Variants in RALGPS2 observed in about 807,000 individuals in gnomAD.
RALGPS2 encodes Ral GEF with PH domain and SH3 binding motif 2.
Under a neutral mutation model 86.8 loss-of-function variants are expected in RALGPS2, and 43 were observed. That is an observed-to-expected ratio of 0.50 (90% CI 0.39 to 0.64). The LOEUF (loss-of-function observed/expected upper bound fraction) is 0.64. RALGPS2 is among the 30% of genes least tolerant of loss of function. The pLI, the probability that RALGPS2 is intolerant of heterozygous loss-of-function variation, is 0.00. For synonymous variants in RALGPS2, 243 were observed against 231.3 expected, an observed-to-expected ratio of 1.05 and a Z score of -0.46; for missense variants, 536 against 694.6, an observed-to-expected ratio of 0.77 and a Z score of 2.57.
chr1:178,902,636 G>A (rs979896338), intron 18 of RALGPS2, among the ~76,000 whole-genome samples: 1 of 151,030 alleles, frequency 6.6e-6, no homozygotes, highest in African/African-American at 2.5e-5. Context: ...TTATTCTTAA[G>A]TTCTGAAAGT....
intron 8 of RALGPS2, among the ~76,000 whole-genome samples, chr1:178,847,206 G>C (rs1333926407): frequency 6.6e-6 from 1 of 152,228 alleles, no homozygotes; most frequent in East Asian, 1.9e-4. Flanking sequence ...AGCACTTTGG[G>C]AGGCCAAAGC....
Position 178,896,455 on chromosome 1 carries a change from TA to T in RALGPS2, c.1432-1208del, listed in dbSNP as rs1398711805. On this transcript the variant is annotated intron_variant, in intron 16 of 19. Transcript: ENST00000367635. Reference sequence around the variant, plus strand: ...AGTTAATTGCAAAAGCAAACTTCTTTATTTTTTTTTTCTTTTTTTTTTTTTA... The same window carrying T: ...AGTTAATTGCAAAAGCAAACTTCTTTTTTTTTTTTTCTTTTTTTTTTTTTA... Among the ~76,000 whole-genome samples, 12 of 147,760 alleles carry T rather than the reference TA, an allele frequency of 8.1e-5. No homozygotes were observed. The South Asian group carries it at 1.7e-3, about 21-fold the overall frequency.
In RALGPS2 at chr1:178,885,115, G is replaced by T; in HGVS notation, c.944G>T (p.Ser315Ile). 1 of 1,612,266 alleles carries T rather than the reference G, an allele frequency of 6.2e-7. No homozygotes were observed. Among genetic ancestry groups the T allele is most frequent in the Non-Finnish European group, 8.5e-7 (1 of 1,179,502 alleles). ...GCGTCTCCACAGAGTGGACGAAAAA[G>T]TGTGGCAGCTGAAGGAGCCTTGCTC... ...VGASPQSGRK[S>I]VAAEGALLPQ... Residue 315 changes from serine (S) to isoleucine (I), a missense_variant, in exon 12 of 20, where the codon AGT (serine) becomes ATT (isoleucine). Physicochemically the swap from Ser to Ile is moderately radical, Grantham distance 142. Transcript: ENST00000367635.
intron 8 of RALGPS2, chr1:178,853,023 G>A (rs1210511322): frequency 6.6e-7 from 1 of 1,519,776 alleles, no homozygotes; most frequent in African/African-American, 1.4e-5. Context: ...ACAGAGCAGT[G>A]TTAAACATTC....
intron 1 of RALGPS2, among the ~76,000 whole-genome samples, chr1:178,739,050 A>G (rs1448638935): frequency 6.6e-6 from 1 of 152,128 alleles, no homozygotes; most frequent in Non-Finnish European, 1.5e-5. Flanking sequence ...ATCTTTATAG[A>G]TAGTTTAGGG....
intron 8 of RALGPS2, among the ~76,000 whole-genome samples, chr1:178,856,912 G>A (rs1657623962): frequency 6.6e-6 from 1 of 152,152 alleles, no homozygotes; most frequent in Non-Finnish European, 1.5e-5. Context: ...TTCAGCTGCA[G>A]TTACCTGTGG....
chr1:178,897,763 A>G lies in RALGPS2; in HGVS notation c.1524+7A>G, dbSNP rs1275007628. The stretch of plus-strand genomic sequence containing the variant: ...GGCTACCGAAAGAAAACATGTAAGT[A>G]TTTGTTCTCTACATTTTTAGCGTGG... On this transcript the variant is annotated splice_region_variant and intron_variant, in intron 17 of 19. Coordinates refer to ENST00000367635, the MANE Select transcript of RALGPS2 (RefSeq NM_152663.5). 6.2e-7 allele frequency: 1 copy of G among 1,602,436 alleles called. No homozygotes were observed. The highest frequency in any genetic ancestry group is 8.5e-7 in the Non-Finnish European group (1 of 1,170,052).
chr1:178,761,557 A>ATTTG (rs780711558), intron 1 of RALGPS2, among the ~76,000 whole-genome samples: 1 of 150,696 alleles, frequency 6.6e-6, no homozygotes, highest in South Asian at 2.1e-4. Flanking sequence ...AATTGTTTTT[A>ATTTG]TTTGTTTGTT....
rs115702117 is a variant in RALGPS2, at chr1:178,814,124, A to G, written c.387+2720A>G. On this transcript the variant is annotated intron_variant, in intron 6 of 19. Transcript: ENST00000367635. ...TTGAATTTTTTCTTTTACAGTGTGT[A>G]TGTTTCTGAATCATATGTTGCTGCA... Among the ~76,000 whole-genome samples, 559 of 152,162 alleles carry G rather than the reference A, an allele frequency of 3.7e-3. 5 individuals are homozygous for G. The highest frequency in any genetic ancestry group is 0.012 in the African/African-American group (505 of 41,502).
At chr1:178,740,538 A>G (rs1195746605) in intron 1 of RALGPS2, among the ~76,000 whole-genome samples, 1 of 152,206 alleles carries the variant, frequency 6.6e-6, no homozygotes, top group South Asian at 2.1e-4. Flanking sequence ...GTTTAAGGGA[A>G]TGGAAAGTAG....
intron 4 of RALGPS2, among the ~76,000 whole-genome samples, chr1:178,789,364 T>G (rs1653840450): frequency 6.6e-6 from 1 of 152,210 alleles, no homozygotes; most frequent in South Asian, 2.1e-4. Flanking sequence ...TTGCCAGACA[T>G]TGTATGTGAA....
chr1:178,851,115 G>C (rs771436728), intron 8 of RALGPS2: 3 of 1,606,088 alleles, frequency 1.9e-6, no homozygotes, highest in African/African-American at 1.3e-5. Context: ...ATTTAAATTG[G>C]CGAGTGTCTC....
At chr1:178,908,016 G>A (rs569405399) in intron 19 of RALGPS2, among the ~76,000 whole-genome samples, 1 of 152,258 alleles carries the variant, frequency 6.6e-6, no homozygotes, top group East Asian at 1.9e-4. Context: ...CTGAGGTTTG[G>A]TGTATAAATG....
chr1:178,775,226 T>G (rs1003928749), intron 1 of RALGPS2, among the ~76,000 whole-genome samples: 1 of 152,124 alleles, frequency 6.6e-6, no homozygotes, highest in African/African-American at 2.4e-5. Context: ...ATTTTATAGA[T>G]GAGAAAACTG....
At chr1:178,863,126 T>C (rs565463052) in intron 8 of RALGPS2, among the ~76,000 whole-genome samples, 1 of 152,334 alleles carries the variant, frequency 6.6e-6, no homozygotes, top group South Asian at 2.1e-4. Context: ...CTCTGTCTTC[T>C]AGCTGCTGCT....
intron 7 of RALGPS2, among the ~76,000 whole-genome samples, chr1:178,831,803 A>G (rs1656035496): frequency 1.3e-5 from 2 of 152,196 alleles, no homozygotes; most frequent in Admixed American, 1.3e-4. Context: ...TTAGTTCTTT[A>G]TATTCATATT....
intron 19 of RALGPS2, among the ~76,000 whole-genome samples, chr1:178,908,144 G>A (rs541676615): frequency 6.6e-6 from 1 of 152,128 alleles, no homozygotes; most frequent in East Asian, 1.9e-4. Flanking sequence ...GTGTCTAGGT[G>A]TATTCAATGT....
At position 178,920,341 on chromosome 1, in the gene RALGPS2, T is replaced by C. The variant is rs1458071342; in HGVS notation, c.*3982T>C. 2 of 151,962 alleles carry C rather than the reference T, an allele frequency of 1.3e-5. No individual in the cohort carries two copies. Among genetic ancestry groups the C allele is most frequent in the African/African-American group, 4.8e-5 (2 of 41,394 alleles). The allele number at this position is 151,962 out of a possible 1,614,324, so 9.4% of individuals were successfully genotyped here. On this transcript the variant is annotated 3_prime_UTR_variant, in exon 20 of 20. Transcript: ENST00000367635. The stretch of plus-strand genomic sequence containing the variant: ...GAAAGCAATTTGATTACACCTATGT[T>C]TCAGGTTATAGTGGGGAGAAAATTT...
In RALGPS2 at chr1:178,809,072, A is replaced by T. The variant is rs138042230; in HGVS notation, c.297+944A>T. Among the ~76,000 whole-genome samples the T allele has an allele frequency of 6.4e-3, 972 of 151,818 alleles. 8 individuals are homozygous for T. The highest frequency in any genetic ancestry group is 0.011 in the Non-Finnish European group (745 of 67,906). ...ACTATGTTGCCCAAGCTGGTCTCGAACTCCTGGCCTCAAGCGATCCTCCTG... is the reference window on the plus strand; with the variant it reads ...ACTATGTTGCCCAAGCTGGTCTCGATCTCCTGGCCTCAAGCGATCCTCCTG... On this transcript the variant is annotated intron_variant, in intron 5 of 19. Coordinates refer to ENST00000367635, the MANE Select transcript of RALGPS2 (RefSeq NM_152663.5).
Sources: gnomAD v4.1 joint callset for allele counts (sites outside exome capture counted in the v4.1 genomes callset) on GRCh38, gnomAD v4.1.1 for gene constraint, MANE v1.5 for transcripts, NCBI Gene and HGNC (gene_info 2026-07-23, HGNC 2026-07-21) for gene names.